ST7: variants seen among roughly 807,000 people sequenced by gnomAD.
The protein encoded by ST7 is suppressor of tumorigenicity 7 protein.
Under a neutral mutation model 78.7 loss-of-function variants are expected in ST7, and 28 were observed. The observed-to-expected ratio is 0.36, with a 90% CI of 0.26 to 0.49. The LOEUF is 0.49. ST7 is among the 20% of genes least tolerant of loss of function. ST7 has a pLI of 0.99. For synonymous variants in ST7, 247 were observed against 249.6 expected (o/e 0.99, Z 0.10); for missense variants, 418 against 696.0 (o/e 0.60, Z 4.49).
At chr7:117,213,356 A>G (rs572192179) in intron 13 of ST7, among the ~76,000 whole-genome samples, 305 of 152,350 alleles carry the variant, frequency 2.0e-3, no homozygotes, top group African/African-American at 6.9e-3. Flanking sequence ...ACCTAATTTT[A>G]CTGGGTTCCA....
At chr7:117,147,458 G>A (rs770327833) in intron 9 of ST7, among the ~76,000 whole-genome samples, 2 of 151,780 alleles carry the variant, frequency 1.3e-5, no homozygotes, top group Non-Finnish European at 1.5e-5. Context: ...CTTCAAGCAC[G>A]TCTATATTTA....
chr7:117,075,870 G>A (rs1169520739), intron 1 of ST7, among the ~76,000 whole-genome samples: 6 of 152,126 alleles, frequency 3.9e-5, no homozygotes, highest in African/African-American at 1.2e-4. Context: ...TAAAAAAGTT[G>A]AAACTTATAT....
intron 1 of ST7, among the ~76,000 whole-genome samples, chr7:117,039,328 C>T (rs893541307): frequency 1.3e-4 from 20 of 152,234 alleles, no homozygotes; most frequent in African/African-American, 4.8e-4. Context: ...AATGTCAGCA[C>T]TTTGAAAGGC....
intron 1 of ST7, among the ~76,000 whole-genome samples, chr7:117,063,615 G>A (rs573294994): frequency 1.4e-4 from 22 of 152,202 alleles, no homozygotes; most frequent in Non-Finnish European, 2.9e-4. Flanking sequence ...AGGCTGAAGT[G>A]GGAGGATCAT....
chr7:117,153,143 T>C (rs1228697891), intron 9 of ST7, among the ~76,000 whole-genome samples: 1 of 152,158 alleles, frequency 6.6e-6, no homozygotes, highest in East Asian at 1.9e-4. Flanking sequence ...CTAAGAAAGA[T>C]AAGTCATAGA....
Position 117,053,620 on chromosome 7 carries a change from C to T in ST7, c.152-46142C>T, listed in dbSNP as rs942702447. ...TCCCTTGGGTCTCAGCAGGCCACCT[C>T]CTTCTGGCCACCCTTCAGTCAGCAA... On this transcript the variant is annotated intron_variant, in intron 1 of 15. Transcript: ENST00000323984. Among the ~76,000 whole-genome samples the T allele has an allele frequency of 2.0e-5, 3 of 152,230 alleles. No individual in the cohort carries two copies. The East Asian group carries it at 5.8e-4, about 29-fold the overall frequency.
chr7:117,228,936 C>T (rs949167589), intron 15 of ST7, among the ~76,000 whole-genome samples: 6 of 152,136 alleles, frequency 3.9e-5, no homozygotes, highest in African/African-American at 1.4e-4. Flanking sequence ...TCTCTCTTCC[C>T]TGACTGGGAT....
chr7:117,191,608 C>T (rs1809792574), intron 12 of ST7: 1 of 152,058 alleles, frequency 6.6e-6, no homozygotes, highest in Admixed American at 6.5e-5. Flanking sequence ...TTATTATTTA[C>T]CTATATTTAA....
intron 1 of ST7, among the ~76,000 whole-genome samples, chr7:117,089,608 G>T (rs1386894282): frequency 7.0e-6 from 1 of 142,106 alleles, no homozygotes; most frequent in Non-Finnish European, 1.5e-5. Context: ...ATCTCGCTCT[G>T]TCGCCCAGGC....
intron 13 of ST7, among the ~76,000 whole-genome samples, chr7:117,215,772 TTGG>T (rs1242805526): frequency 3.9e-5 from 6 of 152,194 alleles, no homozygotes; most frequent in African/African-American, 1.4e-4. Context: ...CTTCTGGCAC[TTGG>T]TGGTGAGCTC....
chr7:117,123,891 A>C (rs73468720), intron 3 of ST7, among the ~76,000 whole-genome samples: 1 of 152,266 alleles, frequency 6.6e-6, no homozygotes, highest in African/African-American at 2.4e-5. Context: ...ATTCTCTGAG[A>C]TACTTTAATA....
At chr7:116,994,570 C>T (rs998460772) in intron 1 of ST7, among the ~76,000 whole-genome samples, 1 of 152,156 alleles carries the variant, frequency 6.6e-6, no homozygotes. Flanking sequence ...GTAGAATCTA[C>T]TAGATATGTC....
intron 1 of ST7, chr7:117,020,406 T>G: frequency 2.3e-6 from 1 of 437,480 alleles, no homozygotes; most frequent in South Asian, 3.3e-5. Flanking sequence ...TGCATTTCAA[T>G]CACACCGGGA....
At chr7:116,962,987 A>G (rs1792909207) in intron 1 of ST7, among the ~76,000 whole-genome samples, 1 of 152,188 alleles carries the variant, frequency 6.6e-6, no homozygotes. Flanking sequence ...TGTAAAATGA[A>G]TAAGTGCTTT....
intron 2 of ST7, among the ~76,000 whole-genome samples, chr7:117,116,218 T>C (rs906665491): frequency 6.6e-6 from 1 of 152,212 alleles, no homozygotes; most frequent in Non-Finnish European, 1.5e-5. Flanking sequence ...TTTTTAAGAC[T>C]ATGAAATGCA....
rs143700006 is a variant in ST7, at chr7:116,987,536, C to T, written c.151+33845C>T. 3.2e-4 allele frequency among the ~76,000 whole-genome samples: 48 copies of T among 152,356 alleles called. No homozygotes were observed. The East Asian group carries it at 6.9e-3, about 22-fold the overall frequency. ...CATCACACCCTGAACTTCAGACATACTGATTTTCCATGAGATTGCTCTTGG... is the reference window on the plus strand; with the variant it reads ...CATCACACCCTGAACTTCAGACATATTGATTTTCCATGAGATTGCTCTTGG... On this transcript the variant is annotated intron_variant, in intron 1 of 15. Coordinates refer to ENST00000323984, the MANE Select transcript of ST7 (RefSeq NM_001369598.1).
At chr7:117,210,237 G>T (rs1171930484) in intron 13 of ST7, among the ~76,000 whole-genome samples, 2 of 152,184 alleles carry the variant, frequency 1.3e-5, no homozygotes, top group Non-Finnish European at 2.9e-5. Context: ...AACTTGGACA[G>T]CCCCACAGCA....
chr7:117,188,291 C>G (rs1422213307), intron 10 of ST7, among the ~76,000 whole-genome samples: 2 of 152,176 alleles, frequency 1.3e-5, no homozygotes, highest in African/African-American at 4.8e-5. Flanking sequence ...AAGTTGAAAA[C>G]AGCCTTGCAA....
chr7:116,979,753 A>G (rs1585082180), intron 1 of ST7, among the ~76,000 whole-genome samples: 1 of 151,926 alleles, frequency 6.6e-6, no homozygotes, highest in African/African-American at 2.4e-5. Context: ...AAATTCTTTA[A>G]TGTCTTTCTA....
Sources: gnomAD v4.1 joint callset for allele counts (sites outside exome capture counted in the v4.1 genomes callset) on GRCh38, gnomAD v4.1.1 for gene constraint, MANE v1.5 for transcripts, NCBI Gene and HGNC (gene_info 2026-07-23, HGNC 2026-07-21) for gene names.